The following NPAS3 variants were observed in gnomAD, a reference collection of about 807,000 sequenced individuals.
The protein encoded by NPAS3 is neuronal PAS domain-containing protein 3.
NPAS3 carries 14 observed loss-of-function variants against 73.1 expected under a neutral mutation model. The ratio of observed to expected loss-of-function variants is 0.19; its 90% CI spans 0.13 to 0.30. The LOEUF is 0.30. NPAS3 is among the 10% of genes least tolerant of loss of function. The pLI is 1.00. For synonymous variants in NPAS3, 620 were observed against 541.5 expected (o/e 1.14, Z -2.01); for missense variants, 1,096 against 1,250.0 (o/e 0.88, Z 1.86).
chr14:33,366,847 C>T (rs1011724142), intron 3 of NPAS3, among the ~76,000 whole-genome samples: 1 of 151,994 alleles, frequency 6.6e-6, no homozygotes, highest in Non-Finnish European at 1.5e-5. Context: ...AAAATCAATA[C>T]CTTAATTTTA....
At chr14:33,565,397 AT>A (rs1332860774) in intron 5 of NPAS3, among the ~76,000 whole-genome samples, 1 of 152,278 alleles carries the variant, frequency 6.6e-6, no homozygotes, top group Non-Finnish European at 1.5e-5. Context: ...GTTTATTTGA[AT>A]AATAAAGAAG....
intron 3 of NPAS3, among the ~76,000 whole-genome samples, chr14:33,279,271 G>A (rs2041480552): frequency 6.6e-6 from 1 of 152,060 alleles, no homozygotes; most frequent in Non-Finnish European, 1.5e-5. Flanking sequence ...TTTGTTAAAG[G>A]TAATAATAAT....
At chr14:33,440,584 A>G (rs1437862042) in intron 4 of NPAS3, among the ~76,000 whole-genome samples, 1 of 152,122 alleles carries the variant, frequency 6.6e-6, no homozygotes, top group Non-Finnish European at 1.5e-5. Flanking sequence ...TTCTTACTCC[A>G]AGGGGACAGG....
At chr14:33,212,014 A>G (rs1410017198) in intron 2 of NPAS3, among the ~76,000 whole-genome samples, 1 of 152,228 alleles carries the variant, frequency 6.6e-6, no homozygotes, top group African/African-American at 2.4e-5. Flanking sequence ...CTCTAGACAT[A>G]CAACCACAAT....
chr14:33,611,384 A>G (rs1050153763), intron 5 of NPAS3, among the ~76,000 whole-genome samples: 2 of 152,240 alleles, frequency 1.3e-5, no homozygotes, highest in African/African-American at 4.8e-5. Context: ...AAACACAAAC[A>G]TCTGAATCTT....
intron 3 of NPAS3, among the ~76,000 whole-genome samples, chr14:33,275,428 A>G (rs1053885169): frequency 9.2e-5 from 14 of 152,196 alleles, no homozygotes; most frequent in African/African-American, 3.4e-4. Flanking sequence ...AGTTATTTAG[A>G]TATATTATAA....
chr14:33,750,656 A>G (rs1357678561), intron 7 of NPAS3, among the ~76,000 whole-genome samples: 3 of 151,988 alleles, frequency 2.0e-5, no homozygotes, highest in Non-Finnish European at 2.9e-5. Context: ...CCCTTTGTTC[A>G]AAGTATTTAG....
At chr14:33,612,268 G>A (rs1389935118) in intron 5 of NPAS3, 3 of 385,466 alleles carry the variant, frequency 7.8e-6, no homozygotes, top group Non-Finnish European at 1.6e-5. Flanking sequence ...ATGCCCCACT[G>A]TTCAGCTGAT....
At chr14:33,390,308 T>C (rs2046946884) in intron 4 of NPAS3, among the ~76,000 whole-genome samples, 1 of 152,172 alleles carries the variant, frequency 6.6e-6, no homozygotes. Flanking sequence ...AAAACAAGTT[T>C]CTTGGTAGTA....
At chr14:33,393,847 A>G (rs2047111189) in intron 4 of NPAS3, among the ~76,000 whole-genome samples, 1 of 152,202 alleles carries the variant, frequency 6.6e-6, no homozygotes, top group African/African-American at 2.4e-5. Context: ...CTCCTATGGA[A>G]ACCTCACTTG....
intron 2 of NPAS3, among the ~76,000 whole-genome samples, chr14:33,129,310 G>T (rs1443677253): frequency 1.3e-5 from 2 of 152,252 alleles, no homozygotes; most frequent in African/African-American, 4.8e-5. Context: ...ATCAACCATT[G>T]TCAGTGTATG....
intron 4 of NPAS3, among the ~76,000 whole-genome samples, chr14:33,498,774 T>C (rs992142323): frequency 1.3e-5 from 2 of 152,004 alleles, no homozygotes; most frequent in African/African-American, 4.8e-5. Context: ...CCATGGCATG[T>C]GTATACCTAT....
chr14:33,534,936 G>A (rs1566979878), intron 4 of NPAS3, among the ~76,000 whole-genome samples: 1 of 152,122 alleles, frequency 6.6e-6, no homozygotes, highest in Non-Finnish European at 1.5e-5. Context: ...TGCTGTGTCT[G>A]CTTTAAAGCC....
intron 4 of NPAS3, among the ~76,000 whole-genome samples, chr14:33,484,380 C>T (rs912164768): frequency 1.3e-5 from 2 of 152,152 alleles, no homozygotes; most frequent in African/African-American, 2.4e-5. Context: ...TGTCTTCCTT[C>T]GGAGCATTAC....
At position 33,800,659 on chromosome 14, in the gene NPAS3, G is replaced by C; in HGVS notation, c.2352G>C (p.Leu784Phe). 1.3e-6 allele frequency: 2 copies of C among 1,539,954 alleles called. No individual in the cohort carries two copies. Among genetic ancestry groups the C allele is most frequent in the Non-Finnish European group, 1.7e-6 (2 of 1,145,774 alleles). The change falls in exon 12 of 12, where the codon TTG becomes TTC. Residue 784 changes from leucine to phenylalanine, a missense_variant. Leu to Phe is a conservative substitution (Grantham distance 22). Transcript: ENST00000356141. This position sits in a 1 kb window ranked among gnomAD's most constrained non-coding sequence, Gnocchi z 6.5. ...GCGGCCCCAGCGCGTCCAACTCCTT[G>C]CTGTACACTGGGGACCTGGAGGCGC...
chr14:33,187,446 C>T (rs1263571954), intron 2 of NPAS3, among the ~76,000 whole-genome samples: 1 of 152,128 alleles, frequency 6.6e-6, no homozygotes, highest in Non-Finnish European at 1.5e-5. Flanking sequence ...TTGAACCCTG[C>T]TCCAGAGTAA....
chr14:33,512,029 G>T (rs2053079010), intron 4 of NPAS3, among the ~76,000 whole-genome samples: 1 of 151,970 alleles, frequency 6.6e-6, no homozygotes, highest in South Asian at 2.1e-4. Flanking sequence ...CTCTATATAG[G>T]AACCAATTTT....
chr14:33,750,093 C>T (rs1344861568), intron 7 of NPAS3, among the ~76,000 whole-genome samples: 1 of 152,000 alleles, frequency 6.6e-6, no homozygotes, highest in Admixed American at 6.6e-5. Context: ...TTACTTCCTG[C>T]TTAGAAAAAA....
intron 6 of NPAS3, among the ~76,000 whole-genome samples, chr14:33,734,118 A>G (rs758044678): frequency 2.0e-5 from 3 of 152,174 alleles, no homozygotes; most frequent in East Asian, 1.9e-4. Context: ...TCTCTTTATT[A>G]CACATATTTC....
Sources: gnomAD v4.1 joint callset for allele counts (sites outside exome capture counted in the v4.1 genomes callset) on GRCh38, gnomAD v4.1.1 for gene constraint, Gnocchi (gnomAD v3.1) non-coding constraint, MANE v1.5 for transcripts, NCBI Gene and HGNC (gene_info 2026-07-23, HGNC 2026-07-21) for gene names.